The following CRPPA variants were observed in gnomAD, a reference collection of about 807,000 sequenced individuals.
The protein encoded by CRPPA is D-ribitol-5-phosphate cytidylyltransferase.
In CRPPA, 43 loss-of-function variants were observed where a neutral mutation model predicts 52.0. That is an observed-to-expected ratio of 0.83 (90% CI 0.65 to 1.07). CRPPA has a LOEUF of 1.07. CRPPA is among the 50% of genes least tolerant of loss of function. The pLI is 0.00. For missense variants in CRPPA, 629 were observed against 551.7 expected (o/e 1.14, Z -1.40); for synonymous variants, 250 against 203.5 (o/e 1.23, Z -1.94).
intron 9 of CRPPA, among the ~76,000 whole-genome samples, chr7:16,160,050 T>C (rs548246874): frequency 6.6e-6 from 1 of 152,330 alleles, no homozygotes; most frequent in Admixed American, 6.5e-5. Context: ...AAGTTCTTTG[T>C]AGATTCTGGA....
intron 2 of CRPPA, among the ~76,000 whole-genome samples, chr7:16,400,447 C>T (rs888297476): frequency 2.0e-5 from 3 of 152,178 alleles, no homozygotes; most frequent in Non-Finnish European, 4.4e-5. Context: ...TTGTGATCAA[C>T]ACTTGTGTGA....
intron 8 of CRPPA, among the ~76,000 whole-genome samples, chr7:16,234,853 G>C (rs1232252426): frequency 6.6e-6 from 1 of 151,972 alleles, no homozygotes; most frequent in Non-Finnish European, 1.5e-5. Flanking sequence ...TTTTTAAGGA[G>C]AGTTTGGCAA....
chr7:16,146,533 TAAAAAC>T (rs1161645497), intron 9 of CRPPA, among the ~76,000 whole-genome samples: 1 of 152,102 alleles, frequency 6.6e-6, no homozygotes, highest in Non-Finnish European at 1.5e-5. Context: ...AGTATACAGT[TAAAAAC>T]AAAAATATTA....
chr7:16,420,415 C>T (rs2128321216), intron 1 of CRPPA, among the ~76,000 whole-genome samples: 1 of 152,280 alleles, frequency 6.6e-6, no homozygotes, highest in South Asian at 2.1e-4. Flanking sequence ...CAGCTCCTCA[C>T]GACTGTTCCC....
chr7:16,168,271 T>C (rs1781107870), intron 9 of CRPPA, among the ~76,000 whole-genome samples: 1 of 152,182 alleles, frequency 6.6e-6, no homozygotes, highest in Non-Finnish European at 1.5e-5. Flanking sequence ...AATAAATACT[T>C]CTTACAACTT....
At chr7:16,253,522 C>A (rs771483249) in intron 8 of CRPPA, among the ~76,000 whole-genome samples, 1 of 152,118 alleles carries the variant, frequency 6.6e-6, no homozygotes, top group Non-Finnish European at 1.5e-5. Context: ...ACTTTACTTC[C>A]AACTATATGG....
At chr7:16,260,255 G>A (rs1051277823) in intron 6 of CRPPA, among the ~76,000 whole-genome samples, 2 of 151,990 alleles carry the variant, frequency 1.3e-5, no homozygotes, top group Admixed American at 1.3e-4. Flanking sequence ...TGCAGAGATA[G>A]AGATATTTCT....
At chr7:16,392,859 A>G (rs1787479942) in intron 2 of CRPPA, among the ~76,000 whole-genome samples, 1 of 152,146 alleles carries the variant, frequency 6.6e-6, no homozygotes, top group South Asian at 2.1e-4. Context: ...CAGGCTCACA[A>G]TATTCTCTTT....
intron 9 of CRPPA, 150 bp downstream of exon 9, chr7:16,215,916 G>A: frequency 6.0e-6 from 3 of 498,320 alleles, no homozygotes; most frequent in Non-Finnish European, 1.0e-5. Context: ...AGAGGCAAGA[G>A]GTTCTACTAT....
chr7:16,388,673 G>A (rs1787359044), intron 2 of CRPPA, among the ~76,000 whole-genome samples: 1 of 152,184 alleles, frequency 6.6e-6, no homozygotes, highest in African/African-American at 2.4e-5. Context: ...TCAGGAGTTT[G>A]AGACCAGCCT....
At chr7:16,251,138 T>A (rs1258756628) in intron 8 of CRPPA, among the ~76,000 whole-genome samples, 19 of 152,062 alleles carry the variant, frequency 1.2e-4, no homozygotes, top group Admixed American at 1.2e-3. Context: ...GGAAGGGCAT[T>A]ACCTATGGTA....
chr7:16,095,256 C>T lies in CRPPA; in HGVS notation c.1252-3457G>A, dbSNP rs17169264. Among the ~76,000 whole-genome samples the T allele has an allele frequency of 4.0e-3, 605 of 152,238 alleles. 30 individuals are homozygous for T. In the East Asian group the frequency reaches 0.1, roughly 25 times the overall value. On this transcript the variant is annotated intron_variant, in intron 9 of 9. Transcript: ENST00000407010. The stretch of plus-strand genomic sequence containing the variant: ...GACCATTTATATATTCCTTGAAAAA[C>T]GTACAATATTCCTTTAATAAACTAT...
intron 3 of CRPPA, among the ~76,000 whole-genome samples, chr7:16,342,798 T>TATATATATATATATATATAGATATA (rs1491461185): frequency 9.9e-6 from 1 of 101,254 alleles, no homozygotes; most frequent in African/African-American, 4.1e-5. Context: ...TATATATATA[T>TATATATATATATATATATAGATATA]CTATATAGAT....
At chr7:16,384,094 G>C (rs1787192131) in intron 2 of CRPPA, among the ~76,000 whole-genome samples, 1 of 152,132 alleles carries the variant, frequency 6.6e-6, no homozygotes, top group Non-Finnish European at 1.5e-5. Flanking sequence ...GCGTCACTCA[G>C]GCTGGGAGCT....
At chr7:16,251,799 A>G (rs1474703008) in intron 8 of CRPPA, among the ~76,000 whole-genome samples, 2 of 152,216 alleles carry the variant, frequency 1.3e-5, no homozygotes, top group Non-Finnish European at 2.9e-5. Flanking sequence ...TTGATACTCC[A>G]ACATCACAAT....
chr7:16,101,355 C>T (rs557628314), intron 9 of CRPPA, among the ~76,000 whole-genome samples: 1 of 152,086 alleles, frequency 6.6e-6, no homozygotes, highest in Non-Finnish European at 1.5e-5. Context: ...GATTCAACTA[C>T]TTCCTGGTTA....
intron 5 of CRPPA, among the ~76,000 whole-genome samples, chr7:16,290,146 T>C (rs1269338758): frequency 6.6e-6 from 1 of 151,658 alleles, no homozygotes; most frequent in Non-Finnish European, 1.5e-5. Context: ...TGAAAGAAAC[T>C]GAAGAGGACA....
At chr7:16,344,351 G>A (rs1232933447) in intron 3 of CRPPA, among the ~76,000 whole-genome samples, 1 of 147,210 alleles carries the variant, frequency 6.8e-6, no homozygotes, top group African/African-American at 2.5e-5. Flanking sequence ...GGGATCACTT[G>A]AGGACAGGAG....
chr7:16,274,749 C>T (rs7782313), intron 6 of CRPPA, among the ~76,000 whole-genome samples: 4,840 of 151,808 alleles, frequency 0.032, 252 homozygotes, highest in African/African-American at 0.11. Flanking sequence ...TATTTATAGA[C>T]GAATTAGATA....
Sources: allele counts gnomAD v4.1 joint callset (sites outside exome capture counted in the v4.1 genomes callset), GRCh38; gene constraint gnomAD v4.1.1; transcripts MANE v1.5; gene names NCBI Gene and HGNC (gene_info 2026-07-23, HGNC 2026-07-21).